The following CFTR variants were observed in gnomAD, a reference collection of about 807,000 sequenced individuals.
The protein encoded by CFTR is cystic fibrosis transmembrane conductance regulator.
A neutral mutation model predicts 171.6 loss-of-function variants in CFTR; 181 were observed. That is an observed-to-expected ratio of 1.05 (90% CI 0.93 to 1.19). The LOEUF (loss-of-function observed/expected upper bound fraction) is 1.19, where lower values mean the gene tolerates loss of function less well. CFTR is among the 50% of genes most tolerant of loss of function. The pLI is 0.00. For missense variants in CFTR, 1,968 were observed against 1,734.7 expected, an observed-to-expected ratio of 1.13 and a Z score of -2.39; for synonymous variants, 583 against 608.0, an observed-to-expected ratio of 0.96 and a Z score of 0.60.
At chr7:117,658,112 AC>A (rs1321103020) in intron 24 of CFTR, among the ~76,000 whole-genome samples, 1 of 152,180 alleles carries the variant, frequency 6.6e-6, no homozygotes, top group Non-Finnish European at 1.5e-5. Context: ...AAAATCTAGA[AC>A]TTGGATAGTT....
intron 11 of CFTR, among the ~76,000 whole-genome samples, chr7:117,580,146 G>A (rs1791828728): frequency 6.6e-6 from 1 of 151,894 alleles, no homozygotes; most frequent in Non-Finnish European, 1.5e-5. Flanking sequence ...TATGGATAGT[G>A]CAAAAGAAAA....
chr7:117,556,559 G>T (rs1584796943), intron 10 of CFTR, among the ~76,000 whole-genome samples: 1 of 100,070 alleles, frequency 1.0e-5, no homozygotes, highest in Non-Finnish European at 1.8e-5. Context: ...TCGCTCTGTC[G>T]CCCAGGCTGG....
At chr7:117,551,521 A>G (rs1174809550) in intron 10 of CFTR, among the ~76,000 whole-genome samples, 1 of 152,142 alleles carries the variant, frequency 6.6e-6, no homozygotes, top group African/African-American at 2.4e-5. Context: ...ACTCTCCCCT[A>G]TTAATAATCA....
At chr7:117,483,130 G>T (rs1011552246) in intron 1 of CFTR, among the ~76,000 whole-genome samples, 9 of 152,194 alleles carry the variant, frequency 5.9e-5, no homozygotes, top group Non-Finnish European at 1.2e-4. Context: ...AAAGTAATGA[G>T]AGATTTTAAA....
chr7:117,652,963 G>A, intron 24 of CFTR, 32 bp downstream of exon 24: 2 of 1,302,454 alleles, frequency 1.5e-6, no homozygotes, highest in South Asian at 1.2e-5. Context: ...ATTTTGAAAG[G>A]GGTAACTCAT....
intron 1 of CFTR, among the ~76,000 whole-genome samples, chr7:117,502,562 G>A (rs1253227963): frequency 6.6e-6 from 1 of 152,128 alleles, no homozygotes; most frequent in African/African-American, 2.4e-5. Context: ...ATTGCCACCT[G>A]TATGTTCGAC....
At chr7:117,627,488 C>A in intron 21 of CFTR, 34 bp from the exon 22 acceptor site, 1 of 1,611,088 alleles carries the variant, frequency 6.2e-7, no homozygotes, top group South Asian at 1.1e-5. Context: ...GTCTGCCATT[C>A]TTAAAAACAA....
chr7:117,644,480 GT>G (rs1463703455), intron 23 of CFTR, among the ~76,000 whole-genome samples: 1 of 151,890 alleles, frequency 6.6e-6, no homozygotes, highest in East Asian at 1.9e-4. Flanking sequence ...TTGCTTTTCT[GT>G]TTTTTTCTTC....
At position 117,594,666 on chromosome 7, in the gene CFTR, TAC is replaced by T. The variant is rs1386357849; in HGVS notation, c.2491-262_2491-261del. On this transcript the variant is annotated intron_variant, in intron 14 of 26. Transcript: ENST00000003084. ...TAATGGTAAAATTGTCCAATAATAATACAGTTATATAATCAGTGATACATTTT... is the reference window on the plus strand; with the variant it reads ...TAATGGTAAAATTGTCCAATAATAATAGTTATATAATCAGTGATACATTTT... Among the ~76,000 whole-genome samples, 4 of 152,310 alleles carry T rather than the reference TAC, an allele frequency of 2.6e-5. 1 individual carries two copies. The highest frequency in any genetic ancestry group is 2.4e-5 in the African/African-American group (1 of 41,580).
At chr7:117,535,200 G>T in intron 5 of CFTR, 48 bp from the exon 6 acceptor site, 1 of 1,589,814 alleles carries the variant, frequency 6.3e-7, no homozygotes, top group South Asian at 1.1e-5. Context: ...AGTTTCTAGG[G>T]GTGGAAGATA....
rs142432539 is a variant in CFTR at position 117,592,320 on chromosome 7, C to G, written c.2153C>G (p.Pro718Arg). 1.8e-5 allele frequency: 29 copies of G among 1,613,968 alleles called. No homozygotes were observed. The African/African-American group carries it at 3.7e-4, about 21-fold the overall frequency. ...IRKFSIVQKT[P>R]LQMNGIEEDS... ...AAATTTTCCATTGTGCAAAAGACTCCCTTACAAATGAATGGCATCGAAGAG... is the reference window on the plus strand; with the variant it reads ...AAATTTTCCATTGTGCAAAAGACTCGCTTACAAATGAATGGCATCGAAGAG... The change falls in exon 14 of 27, where the codon CCC becomes CGC. Residue 718 changes from proline to arginine, a missense_variant. Transcript: ENST00000003084.
At chr7:117,635,261 G>A (rs1255368289) in intron 22 of CFTR, among the ~76,000 whole-genome samples, 4 of 151,896 alleles carry the variant, frequency 2.6e-5, no homozygotes, top group Non-Finnish European at 5.9e-5. Flanking sequence ...AGCCTCTCCA[G>A]GTCTCTTTTG....
intron 15 of CFTR, among the ~76,000 whole-genome samples, chr7:117,600,202 T>C (rs1339176961): frequency 6.6e-6 from 1 of 152,068 alleles, no homozygotes; most frequent in African/African-American, 2.4e-5. Context: ...ACTCTACTTT[T>C]GTATTTGGTA....
At chr7:117,500,320 C>G (rs1249765393) in intron 1 of CFTR, among the ~76,000 whole-genome samples, 1 of 91,206 alleles carries the variant, frequency 1.1e-5, no homozygotes. Flanking sequence ...GAGTTTTGCT[C>G]TTGTTGCCCA....
intron 11 of CFTR, among the ~76,000 whole-genome samples, chr7:117,585,575 G>T (rs989212770): frequency 2.0e-5 from 3 of 152,012 alleles, no homozygotes; most frequent in Non-Finnish European, 4.4e-5. Context: ...TTCATACAAG[G>T]CAAAAGCAAA....
chr7:117,633,850 C>T (rs1390186121), intron 22 of CFTR, among the ~76,000 whole-genome samples: 2 of 151,668 alleles, frequency 1.3e-5, no homozygotes, highest in Non-Finnish European at 2.9e-5. Context: ...AGATTAATCC[C>T]GTTTGGTTGT....
intron 11 of CFTR, chr7:117,586,320 C>A (rs1267673088): frequency 6.6e-6 from 1 of 152,070 alleles, no homozygotes; most frequent in African/African-American, 2.4e-5. Flanking sequence ...GTATTAACGA[C>A]CTCTCTATAT....
intron 10 of CFTR, among the ~76,000 whole-genome samples, chr7:117,558,975 T>TTA (rs1799407840): frequency 6.6e-6 from 1 of 152,218 alleles, no homozygotes; most frequent in Admixed American, 6.5e-5. Context: ...TTAAATGACT[T>TTA]TATACTCCAA....
chr7:117,508,331 G>T (rs1425099488), intron 2 of CFTR, among the ~76,000 whole-genome samples: 1 of 151,998 alleles, frequency 6.6e-6, no homozygotes, highest in Non-Finnish European at 1.5e-5. Context: ...ACAATCAGCT[G>T]GTGTTCCTAT....
Sources: gnomAD v4.1 joint callset for allele counts (sites outside exome capture counted in the v4.1 genomes callset) on GRCh38, gnomAD v4.1.1 for gene constraint, MANE v1.5 for transcripts, NCBI Gene and HGNC (gene_info 2026-07-23, HGNC 2026-07-21) for gene names.